TADA1: variants seen among roughly 807,000 people sequenced by gnomAD.
The protein encoded by TADA1 is transcriptional adaptor 1.
In TADA1, 23 loss-of-function variants were observed where a neutral mutation model predicts 39.3. That is an observed-to-expected ratio of 0.58 (90% CI 0.42 to 0.83). The LOEUF is 0.83. Ranked by LOEUF, TADA1 falls within the 40% of genes least tolerant of loss-of-function variation. The pLI is 0.00. For synonymous variants in TADA1, 137 were observed against 151.8 expected (o/e 0.90, Z 0.72); for missense variants, 352 against 408.1 (o/e 0.86, Z 1.18).
chr1:166,861,825 C>T (rs1557908348), intron 5 of TADA1, among the ~76,000 whole-genome samples: 4 of 152,054 alleles, frequency 2.6e-5, no homozygotes, highest in South Asian at 2.1e-4. Context: ...GAGGCCAAGG[C>T]GGGAAGATCA....
intron 6 of TADA1, among the ~76,000 whole-genome samples, chr1:166,858,505 T>A (rs1176464506): frequency 6.6e-6 from 1 of 152,194 alleles, no homozygotes; most frequent in African/African-American, 2.4e-5. Context: ...TGTTAAAATA[T>A]TTACCTAGCT....
At chr1:166,863,687 C>T (rs1000654638) in intron 4 of TADA1, 137 bp downstream of exon 4, 6 of 769,572 alleles carry the variant, frequency 7.8e-6, no homozygotes, top group African/African-American at 3.6e-5. Context: ...ATCCTTGAAA[C>T]GCTTTTCTTC....
intron 5 of TADA1, 36 bp from the exon 6 acceptor site, chr1:166,860,373 C>T: frequency 6.4e-7 from 1 of 1,564,366 alleles, no homozygotes; most frequent in Non-Finnish European, 8.6e-7. Context: ...GCATGATATC[C>T]TCTTTAAAAG....
Position 166,863,651 on chromosome 1 carries a change from A to AAAAATTC in TADA1, c.330+166_330+172dup, listed in dbSNP as rs1658465861. On this transcript the variant is annotated intron_variant, in intron 4 of 7. Coordinates refer to ENST00000367874, the MANE Select transcript of TADA1 (RefSeq NM_053053.4). ...TTAAGCAGTAACAAACAAGAACTAT[A>AAAAATTC]AAAATTCAGACACCTAGAACTCACA... is the stretch of plus-strand genomic sequence containing the variant. 28 of 621,060 alleles carry AAAAATTC rather than the reference A, an allele frequency of 4.5e-5. 1 individual carries two copies. In the South Asian group the frequency reaches 5.2e-4, roughly 12 times the overall value. 38.5% of individuals were successfully genotyped at this position (621,060 alleles called of 1,614,324 possible). A position where few individuals can be genotyped will look rare whatever the true frequency, so the allele number is the denominator to read the frequency against.
At position 166,862,296 on chromosome 1, in the gene TADA1, G is replaced by A. The variant is rs775033682; in HGVS notation, c.447C>T (p.Gly149=). 1 of 1,614,144 alleles carries A rather than the reference G, an allele frequency of 6.2e-7. No individual in the cohort carries two copies. Residue 149 remains glycine, a synonymous_variant, in exon 5 of 8, where the codon GGC becomes GGT. Transcript: ENST00000367874. ...TCACTATCATTCTCCCTTCAAGCTG[G>A]CCTCGAGTGGGAAGCATCATTGTGT... The part of the protein sequence containing the change: ...CSHTMMLPTR[G]QLEGRMIVTA...
chr1:166,862,888 C>T (rs2049910), intron 4 of TADA1: 136,895 of 159,756 alleles, frequency 0.86, 59,457 homozygotes, highest in East Asian at 1. Context: ...AGAGTAACTA[C>T]TTAATTGCTG....
At chr1:166,857,762 G>A in intron 7 of TADA1, 43 bp from the exon 8 acceptor site, 4 of 1,590,890 alleles carry the variant, frequency 2.5e-6, no homozygotes, top group Non-Finnish European at 3.4e-6. Context: ...TACTTGAGTA[G>A]ACTTATTTTT....
In TADA1 at chr1:166,858,200, T is replaced by C; in HGVS notation, c.774A>G (p.Ala258=). ...TGTCTCCGGAGCATGCCAGCAGGAG[T>C]GCAGCCTGCTGCTCAGCATCATCAG... is the stretch of plus-strand genomic sequence containing the variant. ...PPPDDAEQQA[A]LLLACSGDTL... Residue 258 remains alanine (A), a synonymous_variant, in exon 7 of 8, where the codon GCA becomes GCG. Coordinates refer to ENST00000367874, the MANE Select transcript of TADA1 (RefSeq NM_053053.4). 1 of 1,613,034 alleles carries C rather than the reference T, an allele frequency of 6.2e-7. No homozygotes were observed. Among genetic ancestry groups the C allele is most frequent in the Non-Finnish European group, 8.5e-7 (1 of 1,179,338 alleles).
chr1:166,864,602 T>C (rs7531189), intron 3 of TADA1, among the ~76,000 whole-genome samples: 56,363 of 151,980 alleles, frequency 0.37, 10,573 homozygotes, highest in Middle Eastern at 0.49. Flanking sequence ...CACAAACCCA[T>C]TCACTCACCC....
chr1:166,867,435 G>GT (rs1051874144), intron 3 of TADA1, among the ~76,000 whole-genome samples: 2 of 152,198 alleles, frequency 1.3e-5, no homozygotes, highest in African/African-American at 4.8e-5. Context: ...CTGACACAGT[G>GT]TAAGAATGTG....
At position 166,876,180 on chromosome 1, in the gene TADA1, G is replaced by C; in HGVS notation, c.54C>G (p.Ala18=). Reference sequence around the variant, plus strand: ...CTTACTGTTTCACGTTGTCCCCCAGGGCCTCGCTTAAGTTCTTCTTGGCCG... The same window carrying C: ...CTTACTGTTTCACGTTGTCCCCCAGCGCCTCGCTTAAGTTCTTCTTGGCCG... ...LEAAKKNLSE[A]LGDNVKQYWA... Residue 18 remains alanine (A), a synonymous_variant, in exon 1 of 8, where the codon GCC becomes GCG. Coordinates refer to ENST00000367874, the MANE Select transcript of TADA1 (RefSeq NM_053053.4). The C allele has an allele frequency of 6.2e-7, 1 of 1,613,702 alleles. No individual in the cohort carries two copies. Among genetic ancestry groups the C allele is most frequent in the South Asian group, 1.1e-5 (1 of 90,964 alleles).
intron 3 of TADA1, among the ~76,000 whole-genome samples, chr1:166,865,750 C>T (rs771452491): frequency 6.6e-6 from 1 of 151,446 alleles, no homozygotes; most frequent in South Asian, 2.1e-4. Flanking sequence ...ACCTGGGAGG[C>T]GGAGCTTGCA....
chr1:166,874,759 G>A (rs950970204), intron 1 of TADA1, among the ~76,000 whole-genome samples: 2 of 152,176 alleles, frequency 1.3e-5, no homozygotes, highest in African/African-American at 4.8e-5. Flanking sequence ...TTCGGCCTCT[G>A]CCACAGAGCA....
intron 3 of TADA1, among the ~76,000 whole-genome samples, chr1:166,868,371 T>C (rs1658580403): frequency 6.6e-6 from 1 of 152,214 alleles, no homozygotes; most frequent in Admixed American, 6.5e-5. Context: ...TTTCAGGTGC[T>C]ATCTTACCTA....
chr1:166,859,534 A>G (rs1419953356), intron 6 of TADA1, among the ~76,000 whole-genome samples: 4 of 152,176 alleles, frequency 2.6e-5, no homozygotes, highest in Admixed American at 2.0e-4. Flanking sequence ...AGGAGATGGA[A>G]GGATAAGAAA....
rs774343116 is a variant in TADA1 at position 166,876,228 on chromosome 1, C to T, written c.6G>A (p.Ala2=). 1.9e-6 allele frequency: 3 copies of T among 1,613,278 alleles called. No homozygotes were observed. The highest frequency in any genetic ancestry group is 1.7e-5 in the Admixed American group (1 of 59,930). Reference sequence around the variant, plus strand: ...CCGCCTCCAGCTCGCTCACAAAGGTCGCCATTGCTCCGCGTGTCTCAGCCC... The same window carrying T: ...CCGCCTCCAGCTCGCTCACAAAGGTTGCCATTGCTCCGCGTGTCTCAGCCC... The part of the protein sequence containing the change: M[A]TFVSELEAAK... Residue 2 remains alanine (A), a synonymous_variant, in exon 1 of 8, where the codon GCG becomes GCA. Coordinates refer to ENST00000367874, the MANE Select transcript of TADA1 (RefSeq NM_053053.4).
chr1:166,868,584 G>A (rs939244130), intron 3 of TADA1, among the ~76,000 whole-genome samples: 1 of 152,208 alleles, frequency 6.6e-6, no homozygotes, highest in Non-Finnish European at 1.5e-5. Flanking sequence ...ATGTAGCTGA[G>A]TGGGGACTCA....
chr1:166,865,073 A>C (rs1289106252), intron 3 of TADA1, among the ~76,000 whole-genome samples: 1 of 148,380 alleles, frequency 6.7e-6, no homozygotes, highest in Non-Finnish European at 1.5e-5. Flanking sequence ...ATGACAAGAA[A>C]GAGCAAGCTA....
rs1210537770 is a variant in TADA1 at position 166,856,565 on chromosome 1, T to C, written c.*1002A>G. The C allele has an allele frequency of 6.6e-6, 1 of 152,576 alleles. No individual in the cohort carries two copies. Among genetic ancestry groups the C allele is most frequent in the Non-Finnish European group, 1.5e-5 (1 of 68,020 alleles). The allele number at this position is 152,576 out of a possible 1,614,324, so 9.5% of individuals were successfully genotyped here. A position where few individuals can be genotyped will look rare whatever the true frequency, so the allele number is the denominator to read the frequency against. The stretch of plus-strand genomic sequence containing the variant: ...TAAAGTACAAAATCAAATACACAGA[T>C]CCAGATATGTGAACCATATATACAT... On this transcript the variant is annotated 3_prime_UTR_variant, in exon 8 of 8. Transcript: ENST00000367874.
Sources: allele counts gnomAD v4.1 joint callset (sites outside exome capture counted in the v4.1 genomes callset), GRCh38; gene constraint gnomAD v4.1.1; transcripts MANE v1.5; gene names NCBI Gene and HGNC (gene_info 2026-07-23, HGNC 2026-07-21).